ASTN2: variants seen among roughly 807,000 people sequenced by gnomAD.
ASTN2 encodes astrotactin 2, also known as astrotactin-2.
In ASTN2, 54 loss-of-function variants were observed where a neutral mutation model predicts 139.8. The observed-to-expected ratio is 0.39, with a 90% CI of 0.31 to 0.48. The LOEUF (loss-of-function observed/expected upper bound fraction) is 0.48, where lower values mean the gene tolerates loss of function less well. Ranked by LOEUF, ASTN2 falls within the 20% of genes least tolerant of loss-of-function variation. The probability of loss-of-function intolerance (pLI) is 0.95; values close to 1 mark genes in which losing one functional copy is unlikely to be tolerated. For synonymous variants in ASTN2, 756 were observed against 719.5 expected, an observed-to-expected ratio of 1.05 and a Z score of -0.81; for missense variants, 1,565 against 1,725.1, an observed-to-expected ratio of 0.91 and a Z score of 1.64.
At chr9:116,962,066 C>T (rs1010049477) in intron 10 of ASTN2, among the ~76,000 whole-genome samples, 4 of 152,232 alleles carry the variant, frequency 2.6e-5, no homozygotes, top group Non-Finnish European at 5.9e-5. Context: ...GAGCATTTAG[C>T]ACCATAGCCT....
At chr9:116,974,987 T>C (rs1159037500) in intron 10 of ASTN2, among the ~76,000 whole-genome samples, 1 of 152,162 alleles carries the variant, frequency 6.6e-6, no homozygotes, top group Non-Finnish European at 1.5e-5. Flanking sequence ...CTTTTATATT[T>C]AATATAACCA....
chr9:116,508,326 AG>A (rs1241198450), intron 19 of ASTN2, among the ~76,000 whole-genome samples: 1 of 152,214 alleles, frequency 6.6e-6, no homozygotes. Context: ...AGTGCATGGT[AG>A]TGGCGTCAAG....
At chr9:117,100,091 C>T (rs1016775431) in intron 4 of ASTN2, among the ~76,000 whole-genome samples, 2 of 152,168 alleles carry the variant, frequency 1.3e-5, no homozygotes, top group African/African-American at 4.8e-5. Context: ...TAATTGACTC[C>T]AACACCTGGA....
rs75352741 is a variant in ASTN2 at position 116,729,211 on chromosome 9, T to C, written c.2522-115A>G. Reference sequence around the variant, plus strand: ...CAGACACCTCTTTGAAGTACAACTTTCACTGGGATTGACAATTTTATGAAC... The same window carrying C: ...CAGACACCTCTTTGAAGTACAACTTCCACTGGGATTGACAATTTTATGAAC... On this transcript the variant is annotated intron_variant, in intron 14 of 22. Coordinates refer to ENST00000313400, the MANE Select transcript of ASTN2 (RefSeq NM_001365068.1). 7,636 of 760,162 alleles carry C rather than the reference T, an allele frequency of 0.01. 365 individuals are homozygous for C. In the East Asian group the frequency reaches 0.14, roughly 14 times the overall value. The allele number at this position is 760,162 out of a possible 1,614,324, so 47.1% of individuals were successfully genotyped here. A position where few individuals can be genotyped will look rare whatever the true frequency, so the allele number is the denominator to read the frequency against.
At chr9:116,748,916 T>G (rs1829324789) in intron 13 of ASTN2, among the ~76,000 whole-genome samples, 1 of 152,174 alleles carries the variant, frequency 6.6e-6, no homozygotes, top group East Asian at 1.9e-4. Context: ...TATGAAGGGC[T>G]AAGAGAAAGT....
rs750669513 is a variant in ASTN2, at chr9:116,425,987, T to G, written c.3884A>C (p.Tyr1295Ser). The change falls in exon 23 of 23, where the codon TAT becomes TCT. Residue 1295 changes from tyrosine (Y) to serine (S), a missense_variant. Physicochemically the swap from Tyr to Ser is moderately radical, Grantham distance 144. This residue lies in a region of ASTN2 where 418 missense variants were observed against 465.8 expected (regional missense o/e 0.90). Coordinates refer to ENST00000313400, the MANE Select transcript of ASTN2 (RefSeq NM_001365068.1). ...GACCTCCTCGCTGCGGCAGAAAAGA[T>G]AGGGCACTGTTTCCACGCGGCTCTG... ...YIQSRVETVP[Y>S]LFCRSEEVRP... 1 of 1,614,142 alleles carries G rather than the reference T, an allele frequency of 6.2e-7. No individual in the cohort carries two copies. Among genetic ancestry groups the G allele is most frequent in the Non-Finnish European group, 8.5e-7 (1 of 1,180,022 alleles).
At chr9:117,369,016 A>G (rs1325899176) in intron 1 of ASTN2, among the ~76,000 whole-genome samples, 1 of 152,212 alleles carries the variant, frequency 6.6e-6, no homozygotes, top group Non-Finnish European at 1.5e-5. Context: ...GCTAATGAAG[A>G]TAGAAAATCT....
chr9:116,511,553 G>C (rs139825713), intron 19 of ASTN2, among the ~76,000 whole-genome samples: 4 of 152,224 alleles, frequency 2.6e-5, no homozygotes, highest in African/African-American at 9.6e-5. Flanking sequence ...TTTTTCTATT[G>C]ATTGGAAGAG....
At position 116,463,908 on chromosome 9, in the gene ASTN2, GT is replaced by G. The variant is rs71502069; in HGVS notation, c.3498-21356del. 7.0e-3 allele frequency among the ~76,000 whole-genome samples: 809 copies of G among 115,896 alleles called. 4 individuals are homozygous for G. Among genetic ancestry groups the G allele is most frequent in the Middle Eastern group, 0.016 (3 of 192 alleles). 76.0% of individuals were successfully genotyped at this position (115,896 alleles called of 152,430 possible). A position where few individuals can be genotyped will look rare whatever the true frequency, so the allele number is the denominator to read the frequency against. ...CATGCCACCATGAACAGAGTTTTGTGTTTTTTTTTTTTTTTTTTTGAGAGAG... is the reference window on the plus strand; with the variant it reads ...CATGCCACCATGAACAGAGTTTTGTGTTTTTTTTTTTTTTTTTTGAGAGAG... On this transcript the variant is annotated intron_variant, in intron 20 of 22. Transcript: ENST00000313400.
chr9:116,450,687 C>T (rs899896264), intron 20 of ASTN2, among the ~76,000 whole-genome samples: 3 of 152,208 alleles, frequency 2.0e-5, no homozygotes, highest in South Asian at 4.1e-4. Context: ...TTTCTGTTCC[C>T]CTTTGGTCTA....
At chr9:116,533,928 A>T (rs1851486728) in intron 19 of ASTN2, among the ~76,000 whole-genome samples, 1 of 152,180 alleles carries the variant, frequency 6.6e-6, no homozygotes, top group Non-Finnish European at 1.5e-5. Flanking sequence ...ATAGTTTCAG[A>T]AGGAATGGCA....
At chr9:116,829,721 G>T (rs748664187) in intron 11 of ASTN2, among the ~76,000 whole-genome samples, 1 of 152,112 alleles carries the variant, frequency 6.6e-6, no homozygotes, top group African/African-American at 2.4e-5. Context: ...CTCCTACCAA[G>T]CCCCTCCTCC....
chr9:117,105,310 G>C (rs1036268671), intron 4 of ASTN2, among the ~76,000 whole-genome samples: 3 of 152,106 alleles, frequency 2.0e-5, no homozygotes, highest in African/African-American at 7.2e-5. Context: ...TTCCTCTTAG[G>C]AAAACTGCCA....
At chr9:116,807,960 A>AAT in intron 12 of ASTN2, among the ~76,000 whole-genome samples, 1 of 151,732 alleles carries the variant, frequency 6.6e-6, no homozygotes, top group Admixed American at 6.6e-5. Flanking sequence ...AAAAAAAAAA[A>AAT]AAAATTAGCC....
At chr9:116,632,128 A>AAGAGAGAGAG (rs145360209) in intron 17 of ASTN2, among the ~76,000 whole-genome samples, 2,573 of 47,486 alleles carry the variant, frequency 0.054, 122 homozygotes, top group Admixed American at 0.1. Context: ...AAAGAAAAAG[A>AAGAGAGAGAG]AGAGAGAGAG....
chr9:116,687,492 G>C (rs1055942257), intron 16 of ASTN2: 2 of 146,636 alleles, frequency 1.4e-5, no homozygotes, highest in African/African-American at 5.1e-5. Context: ...GCGCCCGAAT[G>C]GCAGGGTGTG....
intron 11 of ASTN2, among the ~76,000 whole-genome samples, chr9:116,851,238 A>G (rs1310146232): frequency 6.6e-6 from 1 of 152,156 alleles, no homozygotes; most frequent in East Asian, 1.9e-4. Context: ...TGTAAAAAAA[A>G]CATGATTAGC....
At position 116,718,404 on chromosome 9, in the gene ASTN2, C is replaced by T. The variant is rs185639096; in HGVS notation, c.2806+7367G>A. On this transcript the variant is annotated intron_variant, in intron 16 of 22. Coordinates refer to ENST00000313400, the MANE Select transcript of ASTN2 (RefSeq NM_001365068.1). ...GGAAGGAATTTGCAAATTATCCTCA[C>T]GGCAGTGACAAGGCACCTAGAAGTT... 5.1e-4 allele frequency among the ~76,000 whole-genome samples: 77 copies of T among 152,258 alleles called. 1 individual carries two copies. Among genetic ancestry groups the T allele is most frequent in the Non-Finnish European group, 4.9e-4 (33 of 68,010 alleles).
intron 3 of ASTN2, 42 bp from the exon 4 acceptor site, chr9:117,141,520 C>T: frequency 7.4e-7 from 1 of 1,348,304 alleles, no homozygotes; most frequent in East Asian, 4.6e-5. Context: ...CTTGAGCCCA[C>T]CCTCAGCACC....
Sources: gnomAD v4.1 joint callset for allele counts (sites outside exome capture counted in the v4.1 genomes callset) on GRCh38, gnomAD v4.1.1 for gene constraint, gnomAD v4.1.1 regional missense constraint, MANE v1.5 for transcripts, NCBI Gene and HGNC (gene_info 2026-07-23, HGNC 2026-07-21) for gene names.